The following SNRPA variants were observed in gnomAD, a reference collection of about 807,000 sequenced individuals.
The protein encoded by SNRPA is small nuclear ribonucleoprotein polypeptide A.
A neutral mutation model predicts 24.5 loss-of-function variants in SNRPA; 10 were observed. The observed-to-expected ratio is 0.41, with a 90% CI of 0.25 to 0.69. The LOEUF (loss-of-function observed/expected upper bound fraction) is 0.69, where lower values mean the gene tolerates loss of function less well. Among genes scored for constraint, SNRPA ranks in the 30% least tolerant of loss-of-function variants. The pLI is 0.33. For missense variants in SNRPA, 283 were observed against 394.7 expected (o/e 0.72, Z 2.40); for synonymous variants, 165 against 148.4 (o/e 1.11, Z -0.81).
intron 1 of SNRPA, among the ~76,000 whole-genome samples, chr19:40,754,952 A>G (rs2082902136): frequency 6.6e-6 from 1 of 152,152 alleles, no homozygotes; most frequent in Admixed American, 6.6e-5. Flanking sequence ...AAATGTCACC[A>G]CCAGGAGAAT....
rs531273022 is a variant in SNRPA, at chr19:40,751,303, C to T, written c.-106C>T. The T allele has an allele frequency of 2.9e-5, 25 of 859,124 alleles. No homozygotes were observed. In the African/African-American group the frequency reaches 3.1e-4, roughly 11 times the overall value. 53.2% of individuals were successfully genotyped at this position (859,124 alleles called of 1,614,324 possible). A position where few individuals can be genotyped will look rare whatever the true frequency, so the allele number is the denominator to read the frequency against. On this transcript the variant is annotated 5_prime_UTR_variant, in exon 1 of 6. Coordinates refer to ENST00000243563, the MANE Select transcript of SNRPA (RefSeq NM_004596.5). ...CTCCCGCCTTACCTGACTTCCTTTT[C>T]GGAGGAAGATCCTTGAGCAGCCGAC... is the stretch of plus-strand genomic sequence containing the variant.
In SNRPA at chr19:40,763,087, T is replaced by C; in HGVS notation, c.600+13T>C. ...CCCTGCCCAGCCTGTGAGTATCTAG[T>C]CCCACCCACCAGGTCTCATATAAAT... On this transcript the variant is annotated intron_variant, in intron 4 of 5. Transcript: ENST00000243563. The C allele has an allele frequency of 4.5e-6, 7 of 1,542,838 alleles. No individual in the cohort carries two copies. The highest frequency in any genetic ancestry group is 6.1e-6 in the Non-Finnish European group (7 of 1,143,814).
At chr19:40,757,187 C>G in intron 1 of SNRPA, 145 bp from the exon 2 acceptor site, 1 of 706,420 alleles carries the variant, frequency 1.4e-6, no homozygotes, top group Non-Finnish European at 2.4e-6. Context: ...TGAGTGGTTC[C>G]TGGCTGCTTC....
intron 2 of SNRPA, among the ~76,000 whole-genome samples, chr19:40,758,450 TC>T (rs1039249864): frequency 2.6e-5 from 4 of 152,106 alleles, no homozygotes; most frequent in African/African-American, 9.7e-5. Flanking sequence ...TGACAGGAAA[TC>T]CCCCTGCACT....
At chr19:40,752,390 G>C (rs1242297474) in intron 1 of SNRPA, among the ~76,000 whole-genome samples, 1 of 151,218 alleles carries the variant, frequency 6.6e-6, no homozygotes, top group Non-Finnish European at 1.5e-5. Context: ...GATGTGACTT[G>C]CCCAGGGTCA....
chr19:40,755,262 T>C (rs868807163), intron 1 of SNRPA, among the ~76,000 whole-genome samples: 26 of 121,856 alleles, frequency 2.1e-4, no homozygotes, highest in East Asian at 4.9e-4. Context: ...CTTTTCTTTT[T>C]TTTTTTTTTT....
At chr19:40,757,233 G>A (rs2082912192) in intron 1 of SNRPA, 99 bp from the exon 2 acceptor site, 1 of 1,167,970 alleles carries the variant, frequency 8.6e-7, no homozygotes, top group African/African-American at 1.5e-5. Flanking sequence ...ATGGACCCGA[G>A]GCATTCTGGG....
intron 1 of SNRPA, 49 bp from the exon 2 acceptor site, chr19:40,757,283 G>C: frequency 6.3e-7 from 1 of 1,588,746 alleles, no homozygotes; most frequent in Non-Finnish European, 8.6e-7. Context: ...TTTGGGCTGC[G>C]CTTCTTCTAA....
chr19:40,753,784 T>G (rs963937931), intron 1 of SNRPA, among the ~76,000 whole-genome samples: 1 of 151,574 alleles, frequency 6.6e-6, no homozygotes, highest in Non-Finnish European at 1.5e-5. Flanking sequence ...TTTTTGTTTT[T>G]AAATCTTATT....
In SNRPA at chr19:40,765,168, C is replaced by A; in HGVS notation, c.*1C>A. Reference sequence around the variant, plus strand: ...GAAGATCTCCTTTGCCAAGAAGTAGCACCTTTTCCCCCCATGCCTGCCCCT... The same window carrying A: ...GAAGATCTCCTTTGCCAAGAAGTAGAACCTTTTCCCCCCATGCCTGCCCCT... On this transcript the variant is annotated 3_prime_UTR_variant, in exon 6 of 6. Transcript: ENST00000243563. The A allele has an allele frequency of 6.5e-7, 1 of 1,527,624 alleles. No homozygotes were observed. The highest frequency in any genetic ancestry group is 8.8e-7 in the Non-Finnish European group (1 of 1,134,954). The allele number at this position is 1,527,624 out of a possible 1,614,324, so 94.6% of individuals were successfully genotyped here.
intron 3 of SNRPA, 25 bp downstream of exon 3, chr19:40,759,635 C>A (rs762452154): frequency 1.9e-6 from 3 of 1,575,130 alleles, no homozygotes; most frequent in South Asian, 2.3e-5. Flanking sequence ...GGAGACCAAC[C>A]CTCCCACTGC....
chr19:40,761,755 C>G (rs2082933892), intron 3 of SNRPA, among the ~76,000 whole-genome samples: 1 of 152,106 alleles, frequency 6.6e-6, no homozygotes, highest in Non-Finnish European at 1.5e-5. Context: ...GCGTGAGCCA[C>G]TGCACCCGGC....
In SNRPA at chr19:40,759,537, C is replaced by A. The variant is rs555710684; in HGVS notation, c.353C>A (p.Thr118Asn). 1.9e-6 allele frequency: 3 copies of A among 1,613,998 alleles called. No individual in the cohort carries two copies. Among genetic ancestry groups the A allele is most frequent in the African/African-American group, 2.7e-5 (2 of 75,010 alleles). ...REKRKPKSQE[T>N]PATKKAVQGG... The stretch of plus-strand genomic sequence containing the variant: ...AAGAGGAAGCCCAAGAGCCAGGAGA[C>A]CCCGGCCACCAAGAAGGCTGTGCAA... The change falls in exon 3 of 6, where the codon ACC (threonine) becomes AAC (asparagine). Residue 118 changes from threonine to asparagine, a missense_variant. This residue lies in a region of SNRPA where 167 missense variants were observed against 174.3 expected (regional missense o/e 0.96). Coordinates refer to ENST00000243563, the MANE Select transcript of SNRPA (RefSeq NM_004596.5).
rs1469325396 is a variant in SNRPA, at chr19:40,759,461, A to G, written c.277A>G (p.Ile93Val). The change falls in exon 3 of 6, where the codon ATC becomes GTC. Residue 93 changes from isoleucine (I) to valine (V), a missense_variant. By Grantham distance (29) the Ile-to-Val change is conservative (BLOSUM62 3). Coordinates refer to ENST00000243563, the MANE Select transcript of SNRPA (RefSeq NM_004596.5). ...RIQYAKTDSD[I>V]IAKMKGTFVE... ...CCAGTATGCCAAGACCGACTCAGATATCATTGCCAAGATGAAAGGCACCTT... is the reference window on the plus strand; with the variant it reads ...CCAGTATGCCAAGACCGACTCAGATGTCATTGCCAAGATGAAAGGCACCTT... The G allele has an allele frequency of 6.2e-7, 1 of 1,613,450 alleles. No homozygotes were observed. Among genetic ancestry groups the G allele is most frequent in the Non-Finnish European group, 8.5e-7 (1 of 1,179,882 alleles).
chr19:40,751,752 C>T (rs745686693), intron 1 of SNRPA, among the ~76,000 whole-genome samples: 1 of 152,176 alleles, frequency 6.6e-6, no homozygotes, highest in Non-Finnish European at 1.5e-5. Flanking sequence ...CACGTGGCTG[C>T]CGCTGACTTG....
chr19:40,757,261 G>C, intron 1 of SNRPA, 71 bp from the exon 2 acceptor site: 2 of 1,478,916 alleles, frequency 1.4e-6, no homozygotes, highest in South Asian at 1.1e-5. Context: ...TCAATTGGCT[G>C]ATGGTCTTCT....
At position 40,757,400 on chromosome 19, in the gene SNRPA, A is replaced by G; in HGVS notation, c.142A>G (p.Ser48Gly). ...GATCCTGGATATCCTGGTATCACGG[A>G]GCCTGAAGATGAGGGGCCAGGCCTT... is the stretch of plus-strand genomic sequence containing the variant. ...GQILDILVSR[S>G]LKMRGQAFVI... The change falls in exon 2 of 6, where the codon AGC (serine) becomes GGC (glycine). Residue 48 changes from serine (S) to glycine (G), a missense_variant. Around this residue, in one of 6 missense-constraint regions of SNRPA, gnomAD observed 18 missense variants for 18.9 expected, o/e 0.95. Coordinates refer to ENST00000243563, the MANE Select transcript of SNRPA (RefSeq NM_004596.5). 2 of 1,614,104 alleles carry G rather than the reference A, an allele frequency of 1.2e-6. No individual in the cohort carries two copies. The highest frequency in any genetic ancestry group is 1.7e-6 in the Non-Finnish European group (2 of 1,179,994).
At position 40,757,337 on chromosome 19, in the gene SNRPA, A is replaced by G; in HGVS notation, c.79A>G (p.Lys27Glu). The change falls in exon 2 of 6, where the codon AAA becomes GAA. Residue 27 changes from lysine to glutamate, a missense_variant. By Grantham distance (56) the Lys-to-Glu change is moderately conservative. Around this residue, in one of 6 missense-constraint regions of SNRPA, gnomAD observed 3 missense variants for 18.7 expected, o/e 0.16. Transcript: ENST00000243563. ...LNEKIKKDELKKSLYAIFSQF... is the reference protein window; with the variant it reads ...LNEKIKKDELEKSLYAIFSQF... ...CTTTTTTTCCCCCACTGCAGAGCTA[A>G]AAAAGTCCCTGTACGCCATCTTCTC... is the stretch of plus-strand genomic sequence containing the variant. 2 of 1,614,038 alleles carry G rather than the reference A, an allele frequency of 1.2e-6. No individual in the cohort carries two copies. Among genetic ancestry groups the G allele is most frequent in the Non-Finnish European group, 1.7e-6 (2 of 1,179,976 alleles).
In SNRPA at chr19:40,765,252, C is replaced by G. The variant is rs773408683; in HGVS notation, c.*85C>G. On this transcript the variant is annotated 3_prime_UTR_variant, in exon 6 of 6. Coordinates refer to ENST00000243563, the MANE Select transcript of SNRPA (RefSeq NM_004596.5). ...GCTCAGCCCCCTGAAGGTAAGTCCC[C>G]CCTTGGGGGCCTTCTTGGAGCCGTG... 3.3e-6 allele frequency: 3 copies of G among 896,854 alleles called. No individual in the cohort carries two copies. Among genetic ancestry groups the G allele is most frequent in the Non-Finnish European group, 4.7e-6 (3 of 633,902 alleles). 55.6% of individuals were successfully genotyped at this position (896,854 alleles called of 1,614,324 possible).
Sources: gnomAD v4.1 joint callset for allele counts (sites outside exome capture counted in the v4.1 genomes callset) on GRCh38, gnomAD v4.1.1 for gene constraint, gnomAD v4.1.1 regional missense constraint, MANE v1.5 for transcripts, NCBI Gene and HGNC (gene_info 2026-07-23, HGNC 2026-07-21) for gene names.